CALN1: variants seen among roughly 807,000 people sequenced by gnomAD.
The protein encoded by CALN1 is calneuron 1, also known as calcium-binding protein 8.
In CALN1, 17 loss-of-function variants were observed where a neutral mutation model predicts 30.6. The ratio of observed to expected loss-of-function variants is 0.56; its 90% CI spans 0.38 to 0.83. The LOEUF (loss-of-function observed/expected upper bound fraction) is 0.83, where lower values mean the gene tolerates loss of function less well. Among genes scored for constraint, CALN1 ranks in the 40% least tolerant of loss-of-function variants. The pLI is 0.00. For missense variants in CALN1, 291 were observed against 354.9 expected (o/e 0.82, Z 1.45); for synonymous variants, 156 against 131.4 (o/e 1.19, Z -1.28).
intron 2 of CALN1, among the ~76,000 whole-genome samples, chr7:72,370,628 G>C (rs1804178250): frequency 6.7e-6 from 1 of 150,370 alleles, no homozygotes; most frequent in Non-Finnish European, 1.5e-5. Flanking sequence ...CTGCACTCCA[G>C]CTTGGGTGAC....
intron 2 of CALN1, among the ~76,000 whole-genome samples, chr7:72,336,042 C>T (rs939845130): frequency 4.6e-5 from 7 of 152,220 alleles, no homozygotes; most frequent in African/African-American, 9.6e-5. Context: ...CATCCAGCTG[C>T]TTGGAGCTCA....
At chr7:72,185,763 G>C (rs1222272904) in intron 3 of CALN1, among the ~76,000 whole-genome samples, 2 of 152,118 alleles carry the variant, frequency 1.3e-5, no homozygotes, top group African/African-American at 4.8e-5. Flanking sequence ...AAGATCTGAT[G>C]GTTTTATCAA....
chr7:71,928,081 A>G (rs1399221628), intron 5 of CALN1, among the ~76,000 whole-genome samples: 2 of 152,148 alleles, frequency 1.3e-5, no homozygotes, highest in African/African-American at 4.8e-5. Context: ...GTGCTTTGCC[A>G]CAGAAGTGAC....
intron 2 of CALN1, among the ~76,000 whole-genome samples, chr7:72,363,548 A>G (rs1803692085): frequency 1.3e-5 from 2 of 150,642 alleles, no homozygotes; most frequent in South Asian, 2.1e-4. Flanking sequence ...CTAATTTTAA[A>G]AAGACAAATG....
At chr7:72,246,687 T>G (rs1174893814) in intron 3 of CALN1, among the ~76,000 whole-genome samples, 2 of 151,994 alleles carry the variant, frequency 1.3e-5, no homozygotes, top group African/African-American at 4.8e-5. Flanking sequence ...TCTTCTTGTT[T>G]TGTCCAGGAC....
chr7:72,163,548 A>C (rs1415124823), intron 3 of CALN1, among the ~76,000 whole-genome samples: 2 of 152,188 alleles, frequency 1.3e-5, no homozygotes, highest in Non-Finnish European at 2.9e-5. Context: ...AATATGTCCT[A>C]ATAGGTGACT....
At chr7:72,109,882 A>AATGGGTTAGG (rs1807439902) in intron 3 of CALN1, among the ~76,000 whole-genome samples, 1 of 151,782 alleles carries the variant, frequency 6.6e-6, no homozygotes, top group Non-Finnish European at 1.5e-5. Flanking sequence ...ATCTGAAAAA[A>AATGGGTTAGG]TGGGTTAGGT....
intron 1 of CALN1, among the ~76,000 whole-genome samples, chr7:72,446,429 G>A (rs1808527554): frequency 6.6e-6 from 1 of 151,894 alleles, no homozygotes; most frequent in African/African-American, 2.4e-5. Context: ...AGGCACAAGG[G>A]ACAGGGTTAG....
At chr7:72,268,769 C>A (rs1796756447) in intron 3 of CALN1, among the ~76,000 whole-genome samples, 1 of 140,466 alleles carries the variant, frequency 7.1e-6, no homozygotes, top group East Asian at 2.1e-4. Context: ...TGCACTCCAG[C>A]CTGGGCAACA....
intron 5 of CALN1, among the ~76,000 whole-genome samples, chr7:71,977,520 C>G (rs1240230858): frequency 6.6e-6 from 1 of 152,162 alleles, no homozygotes; most frequent in Non-Finnish European, 1.5e-5. Flanking sequence ...TTCCTCTCAT[C>G]AGATTTTACA....
intron 4 of CALN1, among the ~76,000 whole-genome samples, chr7:72,063,751 C>A (rs1426662632): frequency 9.2e-5 from 14 of 152,082 alleles, no homozygotes; most frequent in Admixed American, 2.0e-4. Flanking sequence ...GACAACCTGA[C>A]GTGGAAAGGA....
intron 3 of CALN1, among the ~76,000 whole-genome samples, chr7:72,253,759 T>C (rs750506340): frequency 1.3e-5 from 2 of 152,146 alleles, no homozygotes; most frequent in Non-Finnish European, 2.9e-5. Flanking sequence ...TCTTTTTTTA[T>C]AGACAAAGTC....
chr7:72,018,355 G>T (rs554174026), intron 5 of CALN1, among the ~76,000 whole-genome samples: 1 of 152,126 alleles, frequency 6.6e-6, no homozygotes, highest in East Asian at 1.9e-4. Context: ...GCCCCGCTCA[G>T]TCCCTTCCTT....
upstream of CALN1, among the ~76,000 whole-genome samples, chr7:72,414,767 A>G (rs1282476045): frequency 6.6e-6 from 1 of 152,142 alleles, no homozygotes; most frequent in Non-Finnish European, 1.5e-5. Context: ...TTTTTGTGAC[A>G]TGCTTGGATG....
the CALN1 span, among the ~76,000 whole-genome samples, chr7:72,503,530 CTTTCACT>C: frequency 6.6e-6 from 1 of 152,156 alleles, no homozygotes; most frequent in Non-Finnish European, 1.5e-5. Context: ...CTCAGCTTGC[CTTTCACT>C]TTTCCCTTCT....
chr7:72,336,595 G>T (rs569339181), intron 2 of CALN1: 11 of 717,002 alleles, frequency 1.5e-5, no homozygotes, highest in South Asian at 6.2e-5. Context: ...GAGCACCAGG[G>T]CCCGCGACAG....
At chr7:72,104,935 C>T (rs1219368696) in intron 4 of CALN1, among the ~76,000 whole-genome samples, 3 of 150,518 alleles carry the variant, frequency 2.0e-5, no homozygotes, top group East Asian at 3.9e-4. Context: ...CCAGCCTGGG[C>T]GACAGAGAGA....
intron 2 of CALN1, among the ~76,000 whole-genome samples, chr7:72,349,474 T>C (rs1802814247): frequency 6.6e-6 from 1 of 151,970 alleles, no homozygotes; most frequent in Non-Finnish European, 1.5e-5. Context: ...TATAATCAAA[T>C]TGCTGAAAAC....
intron 5 of CALN1, among the ~76,000 whole-genome samples, chr7:72,016,557 C>T (rs1445690419): frequency 6.6e-6 from 1 of 151,780 alleles, no homozygotes; most frequent in East Asian, 2.0e-4. Flanking sequence ...CTGCCTCAGC[C>T]TCCCGAGTAG....
Sources: allele counts gnomAD v4.1 joint callset (sites outside exome capture counted in the v4.1 genomes callset), GRCh38; gene constraint gnomAD v4.1.1; transcripts MANE v1.5; gene names NCBI Gene and HGNC (gene_info 2026-07-23, HGNC 2026-07-21).